CCL20: variants seen among roughly 807,000 people sequenced by gnomAD.
CCL20 encodes C-C motif chemokine ligand 20.
Under a neutral mutation model 10.8 loss-of-function variants are expected in CCL20, and 8 were observed. That is an observed-to-expected ratio of 0.74 (90% CI 0.44 to 1.34). The LOEUF (loss-of-function observed/expected upper bound fraction) is 1.34, where lower values mean the gene tolerates loss of function less well. CCL20 is among the 40% of genes most tolerant of loss of function. The pLI is 0.01. For missense variants in CCL20, 107 were observed against 117.9 expected (o/e 0.91, Z 0.43); for synonymous variants, 40 against 39.4 (o/e 1.02, Z -0.06).
At position 227,815,543 on chromosome 2, in the gene CCL20, G is replaced by A; in HGVS notation, c.166G>A (p.Glu56Lys). The A allele has an allele frequency of 6.2e-7, 1 of 1,603,092 alleles. No individual in the cohort carries two copies. The highest frequency in any genetic ancestry group is 8.5e-7 in the Non-Finnish European group (1 of 1,170,756). The change falls in exon 2 of 4, where the codon GAA becomes AAA. Residue 56 changes from glutamate to lysine, a missense_variant. Coordinates refer to ENST00000358813, the MANE Select transcript of CCL20 (RefSeq NM_004591.3). Reference sequence around the variant, plus strand: ...GGGCTTCACACGGCAGCTGGCCAATGAAGGCTGTGACATCAATGCTATCAT... The same window carrying A: ...GGGCTTCACACGGCAGCTGGCCAATAAAGGCTGTGACATCAATGCTATCAT... Reference protein sequence around the residue: ...IVGFTRQLANEGCDINAIIFH... With the variant: ...IVGFTRQLANKGCDINAIIFH...
At chr2:227,816,974 A>G in intron 3 of CCL20, 88 bp from the exon 4 acceptor site, 1 of 936,588 alleles carries the variant, frequency 1.1e-6, no homozygotes, top group Non-Finnish European at 1.7e-6. Flanking sequence ...GATTAAGGGC[A>G]GGTGAAGCAA....
chr2:227,815,814 C>G (rs973881609), intron 2 of CCL20: 30 of 359,944 alleles, frequency 8.3e-5, no homozygotes, highest in Non-Finnish European at 9.9e-5. Flanking sequence ...TTTGGTCAAA[C>G]GGAACTAGTA....
chr2:227,817,114 C>T lies in CCL20; in HGVS notation c.*31C>T, dbSNP rs1690034953. The T allele has an allele frequency of 2.5e-6, 4 of 1,588,876 alleles. No individual in the cohort carries two copies. Among genetic ancestry groups the T allele is most frequent in the Non-Finnish European group, 2.6e-6 (3 of 1,158,174 alleles). The stretch of plus-strand genomic sequence containing the variant: ...GTGGCTTTTCTGGAATGGAATTGGA[C>T]ATAGCCCAAGAACAGAAAGAACCTT... On this transcript the variant is annotated 3_prime_UTR_variant, in exon 4 of 4. Coordinates refer to ENST00000358813, the MANE Select transcript of CCL20 (RefSeq NM_004591.3).
At chr2:227,815,289 C>T in intron 1 of CCL20, 165 bp from the exon 2 acceptor site, 1 of 474,612 alleles carries the variant, frequency 2.1e-6, no homozygotes, top group Non-Finnish European at 3.7e-6. Context: ...TCTCAACGAC[C>T]TTACAAAGGT....
intron 1 of CCL20, chr2:227,815,241 CTG>C (rs1251939368): frequency 5.3e-6 from 2 of 374,170 alleles, no homozygotes; most frequent in African/African-American, 4.2e-5. Context: ...GGCACACAAA[CTG>C]TTTTTTCAAA....
At position 227,813,963 on chromosome 2, in the gene CCL20, C is replaced by A; in HGVS notation, c.52C>A (p.Leu18Ile). Reference protein sequence around the residue: ...LLAALMSVLLLHLCGESEAAS... With the variant: ...LLAALMSVLLIHLCGESEAAS... ...GGCTGCTTTGATGTCAGTGCTGCTA[C>A]TCCACCTCTGCGGCGAATCAGAAGG... is the stretch of plus-strand genomic sequence containing the variant. The change falls in exon 1 of 4, where the codon CTC becomes ATC. Residue 18 changes from leucine to isoleucine, a missense_variant. Physicochemically the swap from Leu to Ile is conservative, Grantham distance 5. Transcript: ENST00000358813. 6.2e-7 allele frequency: 1 copy of A among 1,614,108 alleles called. No homozygotes were observed. The highest frequency in any genetic ancestry group is 8.5e-7 in the Non-Finnish European group (1 of 1,179,914).
At chr2:227,814,719 C>T (rs935303175) in intron 1 of CCL20, among the ~76,000 whole-genome samples, 1 of 151,872 alleles carries the variant, frequency 6.6e-6, no homozygotes, top group Admixed American at 6.6e-5. Context: ...ATAACAGGGA[C>T]CACGGCCGTG....
In CCL20 at chr2:227,815,437, C is replaced by CTT. The variant is rs34834265; in HGVS notation, c.77-4_77-3dup. The CTT allele has an allele frequency of 3.4e-3, 3,825 of 1,116,012 alleles. 6 individuals are homozygous for CTT. The highest frequency in any genetic ancestry group is 0.023 in the African/African-American group (1,403 of 62,086). 69.1% of individuals were successfully genotyped at this position (1,116,012 alleles called of 1,614,324 possible). On this transcript the variant is annotated splice_polypyrimidine_tract_variant and intron_variant, in intron 1 of 3. Coordinates refer to ENST00000358813, the MANE Select transcript of CCL20 (RefSeq NM_004591.3). The stretch of plus-strand genomic sequence containing the variant: ...ATTCATGTGGATCCAATACCTTTCA[C>CTT]TTTTTTTTTTTTTTAGCAGCAAGCA...
At chr2:227,814,500 T>C (rs1007046882) in intron 1 of CCL20, among the ~76,000 whole-genome samples, 34 of 147,252 alleles carry the variant, frequency 2.3e-4, no homozygotes, top group African/African-American at 8.5e-4. Flanking sequence ...GTAATCTGAC[T>C]CGGGAATGTC....
intron 2 of CCL20, 144 bp downstream of exon 2, chr2:227,815,712 G>A: frequency 3.4e-6 from 2 of 590,328 alleles, no homozygotes; most frequent in Non-Finnish European, 3.0e-6. Context: ...AAGAAATGAT[G>A]TGGCAAAGAT....
At chr2:227,816,462 TG>T in intron 3 of CCL20, 78 bp downstream of exon 3, 1 of 714,380 alleles carries the variant, frequency 1.4e-6, no homozygotes, top group Admixed American at 2.7e-5. Context: ...GTAGGTTTTC[TG>T]GGATTCTTTA....
Position 227,813,961 on chromosome 2 carries a change from T to G in CCL20, c.50T>G (p.Leu17Arg). 6.2e-7 allele frequency: 1 copy of G among 1,614,134 alleles called. No individual in the cohort carries two copies. Among genetic ancestry groups the G allele is most frequent in the Non-Finnish European group, 8.5e-7 (1 of 1,179,934 alleles). The change falls in exon 1 of 4, where the codon CTA becomes CGA. Residue 17 changes from leucine (L) to arginine (R), a missense_variant. Transcript: ENST00000358813. Reference sequence around the variant, plus strand: ...CTGGCTGCTTTGATGTCAGTGCTGCTACTCCACCTCTGCGGCGAATCAGAA... The same window carrying G: ...CTGGCTGCTTTGATGTCAGTGCTGCGACTCCACCTCTGCGGCGAATCAGAA... ...LLLAALMSVL[L>R]LHLCGESEAA...
intron 1 of CCL20, 97 bp downstream of exon 1, chr2:227,814,084 G>C (rs1478463180): frequency 4.9e-6 from 5 of 1,026,372 alleles, no homozygotes; most frequent in Non-Finnish European, 7.7e-6. Context: ...ATGGAAAACT[G>C]TTAGGAAGTA....
chr2:227,813,977 C>T lies in CCL20; in HGVS notation c.66C>T (p.Gly22=), dbSNP rs750159420. The T allele has an allele frequency of 1.3e-5, 21 of 1,613,540 alleles. No individual in the cohort carries two copies. The highest frequency in any genetic ancestry group is 2.7e-5 in the African/African-American group (2 of 74,904). ...LMSVLLLHLC[G]ESEAASNFDC... is the part of the protein sequence containing the mutation. The stretch of plus-strand genomic sequence containing the variant: ...CAGTGCTGCTACTCCACCTCTGCGG[C>T]GAATCAGAAGGTAAGTGTCGCTCTT... The change falls in exon 1 of 4, where the codon GGC becomes GGT. Residue 22 remains glycine, a synonymous_variant. Transcript: ENST00000358813.
chr2:227,813,939 G>A lies in CCL20; in HGVS notation c.28G>A (p.Ala10Thr). 2 of 1,614,160 alleles carry A rather than the reference G, an allele frequency of 1.2e-6. No individual in the cohort carries two copies. The highest frequency in any genetic ancestry group is 1.3e-5 in the African/African-American group (1 of 75,036). ...GTGCTGTACCAAGAGTTTGCTCCTG[G>A]CTGCTTTGATGTCAGTGCTGCTACT... MCCTKSLLLAALMSVLLLHL... is the reference protein window; with the variant it reads MCCTKSLLLTALMSVLLLHL... Residue 10 changes from alanine to threonine, a missense_variant, in exon 1 of 4, where the codon GCT (alanine) becomes ACT (threonine). By Grantham distance (58) the Ala-to-Thr change is moderately conservative. Coordinates refer to ENST00000358813, the MANE Select transcript of CCL20 (RefSeq NM_004591.3).
intron 1 of CCL20, 58 bp downstream of exon 1, chr2:227,814,045 C>G: frequency 6.8e-7 from 1 of 1,475,356 alleles, no homozygotes; most frequent in Non-Finnish European, 9.5e-7. Flanking sequence ...TTCCTTTTAG[C>G]CTTGAGCTCA....
intron 2 of CCL20, chr2:227,815,770 C>A: frequency 2.1e-6 from 1 of 467,708 alleles, no homozygotes; most frequent in Non-Finnish European, 3.7e-6. Context: ...TTAAACAGGA[C>A]TGGAATAAGG....
chr2:227,816,153 C>T (rs565521564), intron 2 of CCL20, among the ~76,000 whole-genome samples, 154 bp from the exon 3 acceptor site: 2 of 152,226 alleles, frequency 1.3e-5, no homozygotes, highest in South Asian at 2.1e-4. Context: ...TTGCATTAAT[C>T]TTCATCAGAA....
rs757523239 is a variant in CCL20, at chr2:227,814,006, G to T, written c.76+19G>T. The T allele has an allele frequency of 5.0e-6, 8 of 1,602,954 alleles. No individual in the cohort carries two copies. Among genetic ancestry groups the T allele is most frequent in the South Asian group, 3.3e-5 (3 of 90,874 alleles). ...TCAGAAGGTAAGTGTCGCTCTTTCCGCTAGCACAGAAGAAAGACTATTTTC... is the reference window on the plus strand; with the variant it reads ...TCAGAAGGTAAGTGTCGCTCTTTCCTCTAGCACAGAAGAAAGACTATTTTC... On this transcript the variant is annotated intron_variant, in intron 1 of 3. Coordinates refer to ENST00000358813, the MANE Select transcript of CCL20 (RefSeq NM_004591.3).
Sources: gnomAD v4.1 joint callset for allele counts (sites outside exome capture counted in the v4.1 genomes callset) on GRCh38, gnomAD v4.1.1 for gene constraint, MANE v1.5 for transcripts, NCBI Gene and HGNC (gene_info 2026-07-23, HGNC 2026-07-21) for gene names.